PPP3CA: variants seen among roughly 807,000 people sequenced by gnomAD.
PPP3CA encodes the protein CAM-PRP catalytic subunit.
Under a neutral mutation model 66.5 loss-of-function variants are expected in PPP3CA, and 14 were observed. The ratio of observed to expected loss-of-function variants is 0.21; its 90% CI spans 0.14 to 0.33. The LOEUF (loss-of-function observed/expected upper bound fraction) is 0.33. PPP3CA is among the 10% of genes least tolerant of loss of function. PPP3CA has a pLI of 1.00. For missense variants in PPP3CA, 317 were observed against 639.5 expected (o/e 0.50, Z 5.44); for synonymous variants, 232 against 226.2 (o/e 1.03, Z -0.23).
At chr4:101,304,234 A>G (rs1728468216) in intron 1 of PPP3CA, among the ~76,000 whole-genome samples, 1 of 151,842 alleles carries the variant, frequency 6.6e-6, no homozygotes, top group East Asian at 1.9e-4. Flanking sequence ...TTGTTTTTTG[A>G]TTCTATTTGT....
At chr4:101,140,821 G>C (rs1419082706) in intron 2 of PPP3CA, among the ~76,000 whole-genome samples, 1 of 152,138 alleles carries the variant, frequency 6.6e-6, no homozygotes, top group East Asian at 1.9e-4. Flanking sequence ...TCCATCCACA[G>C]ACACTCATTT....
In PPP3CA at chr4:101,341,196, TTTTTTC is replaced by T. The variant is rs200423957; in HGVS notation, c.58+5537_58+5542del. ...ATACCAAAAGAAGTGGCCATTTTCT[TTTTTTC>T]TTTTTCTTTTTTTTTTTTTTAAGAG... On this transcript the variant is annotated intron_variant, in intron 1 of 13. Transcript: ENST00000394854. Among the ~76,000 whole-genome samples, 143 of 98,226 alleles carry T rather than the reference TTTTTTC, an allele frequency of 1.5e-3. 2 individuals are homozygous for T. The highest frequency in any genetic ancestry group is 8.0e-3 in the African/African-American group (134 of 16,848). 64.4% of individuals were successfully genotyped at this position (98,226 alleles called of 152,430 possible). A position where few individuals can be genotyped will look rare whatever the true frequency, so the allele number is the denominator to read the frequency against.
intron 1 of PPP3CA, among the ~76,000 whole-genome samples, chr4:101,198,243 A>C (rs1724861765): frequency 6.6e-6 from 1 of 152,084 alleles, no homozygotes; most frequent in Non-Finnish European, 1.5e-5. Context: ...TGACTGATAG[A>C]GTATGCTTGT....
At chr4:101,276,179 A>G (rs1338480397) in intron 1 of PPP3CA, among the ~76,000 whole-genome samples, 3 of 152,064 alleles carry the variant, frequency 2.0e-5, no homozygotes, top group Non-Finnish European at 4.4e-5. Context: ...ACAGGCTTGA[A>G]TCACCGCTCC....
At chr4:101,227,864 C>G (rs1457131377) in intron 1 of PPP3CA, among the ~76,000 whole-genome samples, 1 of 151,700 alleles carries the variant, frequency 6.6e-6, no homozygotes, top group Non-Finnish European at 1.5e-5. Flanking sequence ...TTCTCCAGCT[C>G]CATCCATGTA....
intron 10 of PPP3CA, among the ~76,000 whole-genome samples, chr4:101,043,661 T>C (rs996094064): frequency 6.6e-6 from 1 of 151,830 alleles, no homozygotes; most frequent in Admixed American, 6.6e-5. Flanking sequence ...GATCACGAGG[T>C]TGGGAGATCG....
chr4:101,294,741 G>C (rs914867168), intron 1 of PPP3CA, among the ~76,000 whole-genome samples: 3 of 151,940 alleles, frequency 2.0e-5, no homozygotes, highest in Non-Finnish European at 4.4e-5. Flanking sequence ...TCTATGCATT[G>C]TAGGATGTTT....
intron 2 of PPP3CA, among the ~76,000 whole-genome samples, chr4:101,171,745 A>G (rs1179883306): frequency 6.6e-6 from 1 of 152,138 alleles, no homozygotes. Flanking sequence ...TTGGTAAAAA[A>G]CAGGCATAGG....
chr4:101,087,205 AG>A (rs992674085), intron 6 of PPP3CA, among the ~76,000 whole-genome samples: 1 of 152,134 alleles, frequency 6.6e-6, no homozygotes, highest in African/African-American at 2.4e-5. Flanking sequence ...TTTTTGTCCC[AG>A]GGTTCTTGAT....
chr4:101,125,265 A>G (rs762723261), intron 2 of PPP3CA, among the ~76,000 whole-genome samples: 8 of 152,212 alleles, frequency 5.3e-5, no homozygotes, highest in Non-Finnish European at 1.2e-4. Context: ...AATGGATCTG[A>G]GCTTAAAGGA....
intron 3 of PPP3CA, among the ~76,000 whole-genome samples, chr4:101,100,890 C>T (rs1450538378): frequency 6.6e-6 from 1 of 152,014 alleles, no homozygotes; most frequent in Non-Finnish European, 1.5e-5. Flanking sequence ...ATTTGTAGTA[C>T]TACTTGTAAA....
chr4:101,103,329 C>A (rs756884492), intron 3 of PPP3CA, among the ~76,000 whole-genome samples: 1 of 152,162 alleles, frequency 6.6e-6, no homozygotes, highest in Non-Finnish European at 1.5e-5. Context: ...TCTCGATCAT[C>A]AAACTAAGTA....
chr4:101,169,561 C>G (rs189788891), intron 2 of PPP3CA, among the ~76,000 whole-genome samples: 55 of 152,206 alleles, frequency 3.6e-4, no homozygotes, highest in Non-Finnish European at 6.6e-4. Context: ...TGCTAAATAT[C>G]CTTTGAGATC....
rs149554286 is a variant in PPP3CA at position 101,328,214 on chromosome 4, T to G, written c.58+18525A>C. ...CAACCACAGAATTTCTCAAAGTGAA[T>G]CAAACAAGGTTCAGTTGGATTCAAA... On this transcript the variant is annotated intron_variant, in intron 1 of 13. Transcript: ENST00000394854. Among the ~76,000 whole-genome samples the G allele has an allele frequency of 1.9e-3, 284 of 152,218 alleles. 1 individual carries two copies. Among genetic ancestry groups the G allele is most frequent in the African/African-American group, 6.5e-3 (269 of 41,528 alleles).
rs374995864 is a variant in PPP3CA, at chr4:101,039,202, CTT to C, written c.1241+1278_1241+1279del. Among the ~76,000 whole-genome samples the C allele has an allele frequency of 1.2e-3, 174 of 144,756 alleles. 18 individuals carry two copies. Among genetic ancestry groups the C allele is most frequent in the African/African-American group, 4.2e-3 (169 of 39,808 alleles). The allele number at this position is 144,756 out of a possible 152,430, so 95.0% of individuals were successfully genotyped here. A position where few individuals can be genotyped will look rare whatever the true frequency, so the allele number is the denominator to read the frequency against. On this transcript the variant is annotated intron_variant, in intron 11 of 13. Transcript: ENST00000394854. ...TAAGTATCTTTGCACTTGCTATTGT[CTT>C]TGCCTTGAACTCCCTTACCTCATTT...
intron 1 of PPP3CA, among the ~76,000 whole-genome samples, chr4:101,343,131 C>T (rs932419611): frequency 2.6e-5 from 4 of 152,172 alleles, no homozygotes; most frequent in African/African-American, 7.2e-5. Context: ...TATCCCTCAA[C>T]AGCCTCCCAT....
chr4:101,231,113 C>T (rs763568263), intron 1 of PPP3CA, among the ~76,000 whole-genome samples: 2 of 151,688 alleles, frequency 1.3e-5, no homozygotes, highest in African/African-American at 2.4e-5. Context: ...TTTTTGACCA[C>T]TCTTCTTTCC....
intron 1 of PPP3CA, among the ~76,000 whole-genome samples, chr4:101,236,396 T>C (rs909273906): frequency 9.2e-5 from 14 of 151,942 alleles, no homozygotes; most frequent in African/African-American, 1.7e-4. Context: ...AGAAACCATG[T>C]AAACTTGAAC....
chr4:101,074,470 T>C (rs1392152941), intron 8 of PPP3CA, among the ~76,000 whole-genome samples: 2 of 152,198 alleles, frequency 1.3e-5, no homozygotes, highest in Admixed American at 6.5e-5. Context: ...CCACACTATG[T>C]AGACAGTGTC....
Sources: allele counts gnomAD v4.1 joint callset (sites outside exome capture counted in the v4.1 genomes callset), GRCh38; gene constraint gnomAD v4.1.1; transcripts MANE v1.5; gene names NCBI Gene and HGNC (gene_info 2026-07-23, HGNC 2026-07-21).